The following ANKRD11 variants were observed in gnomAD, a reference collection of about 807,000 sequenced individuals.
ANKRD11 encodes ankyrin repeat domain 11.
In ANKRD11, 17 loss-of-function variants were observed where a neutral mutation model predicts 195.7. The ratio of observed to expected loss-of-function variants is 0.09; its 90% confidence interval spans 0.06 to 0.13. ANKRD11 has a LOEUF of 0.13. Ranked by LOEUF, ANKRD11 falls within the 10% of genes least tolerant of loss-of-function variation. The probability of loss-of-function intolerance (pLI) is 1.00; values close to 1 mark genes in which losing one functional copy is unlikely to be tolerated. For missense variants in ANKRD11, 3,735 were observed against 3,566.1 expected (o/e 1.05, Z -1.21); for synonymous variants, 1,953 against 1,528.1 (o/e 1.28, Z -6.49).
chr16:89,271,356 G>T, intron 11 of ANKRD11: 1 of 277,276 alleles, frequency 3.6e-6, no homozygotes, highest in Non-Finnish European at 7.1e-6. Context: ...TCCTGCTTCA[G>T]CCTTCCTGAG....
chr16:89,274,768 G>C (rs1196257987), intron 11 of ANKRD11, 46 bp downstream of exon 11: 1 of 1,602,762 alleles, frequency 6.2e-7, no homozygotes, highest in African/African-American at 1.3e-5. Flanking sequence ...GGCGGGCAGG[G>C]TGCAGGCACT....
At chr16:89,372,078 G>A (rs990420339) in intron 2 of ANKRD11, among the ~76,000 whole-genome samples, 3 of 152,202 alleles carry the variant, frequency 2.0e-5, no homozygotes. Context: ...GTGGACTGAG[G>A]AACCACAAGG....
chr16:89,460,647 G>A (rs566939268), intron 1 of ANKRD11, among the ~76,000 whole-genome samples: 4 of 152,238 alleles, frequency 2.6e-5, no homozygotes, highest in Admixed American at 6.5e-5. Flanking sequence ...TGAAGCAGGC[G>A]GGTTGTTTGA....
At chr16:89,309,121 C>T (rs2036468124) in intron 3 of ANKRD11, among the ~76,000 whole-genome samples, 2 of 152,316 alleles carry the variant, frequency 1.3e-5, no homozygotes, top group South Asian at 4.1e-4. Flanking sequence ...ACCACACGCC[C>T]AACCACACAG....
At chr16:89,487,348 T>G (rs2057653327) in intron 1 of ANKRD11, among the ~76,000 whole-genome samples, 1 of 152,246 alleles carries the variant, frequency 6.6e-6, no homozygotes, top group African/African-American at 2.4e-5. Context: ...TGCAGATTAT[T>G]TTCTGAGCCA....
chr16:89,283,404 A>G lies in ANKRD11; in HGVS notation c.3138T>C (p.Cys1046=). Residue 1046 remains cysteine, a synonymous_variant, in exon 9 of 13, where the codon TGT becomes TGC. Coordinates refer to ENST00000301030, the MANE Select transcript of ANKRD11 (RefSeq NM_013275.6). This position sits in a 1 kb window ranked among gnomAD's most constrained non-coding sequence, Gnocchi z 4.3. ...ATTTATCAAATTCTTTGTCCTTCTG[A>G]CATTTTTCCAGGATTGATTTCTCAC... ...DKSEKSILEK[C]QKDKEFDKCF... 6.2e-7 allele frequency: 1 copy of G among 1,613,884 alleles called. No homozygotes were observed. Among genetic ancestry groups the G allele is most frequent in the Non-Finnish European group, 8.5e-7 (1 of 1,180,018 alleles).
At chr16:89,433,610 A>C (rs529729892) in intron 1 of ANKRD11, among the ~76,000 whole-genome samples, 152 of 152,070 alleles carry the variant, frequency 1.0e-3, no homozygotes, top group Non-Finnish European at 1.0e-3. Context: ...AGAGTAAGAG[A>C]GAAGGAACGG....
At chr16:89,315,584 G>C (rs899209328) in intron 3 of ANKRD11, among the ~76,000 whole-genome samples, 2 of 152,226 alleles carry the variant, frequency 1.3e-5, no homozygotes, top group Non-Finnish European at 2.9e-5. Flanking sequence ...CCAAGCACTG[G>C]CTTCAGCTCA....
intron 2 of ANKRD11, among the ~76,000 whole-genome samples, chr16:89,409,866 G>C (rs2042047376): frequency 7.0e-6 from 1 of 142,046 alleles, no homozygotes; most frequent in Non-Finnish European, 1.5e-5. Context: ...TGAGATGGGA[G>C]TCTCGCTCTG....
At chr16:89,364,877 G>C (rs141643086) in intron 2 of ANKRD11, among the ~76,000 whole-genome samples, 1 of 152,184 alleles carries the variant, frequency 6.6e-6, no homozygotes, top group Non-Finnish European at 1.5e-5. Flanking sequence ...AGCCTGGCAC[G>C]CAGATGGCCC....
intron 2 of ANKRD11, among the ~76,000 whole-genome samples, chr16:89,373,805 G>A (rs1031428998): frequency 6.6e-6 from 1 of 152,192 alleles, no homozygotes; most frequent in African/African-American, 2.4e-5. Context: ...CCTGACAGAC[G>A]CCTGTGTAGG....
chr16:89,422,343 G>A (rs2042551987), intron 1 of ANKRD11: 1 of 151,896 alleles, frequency 6.6e-6, no homozygotes, highest in South Asian at 2.1e-4. Context: ...TTTTTTTACA[G>A]AATTTTTCTT....
chr16:89,313,420 G>A (rs1200536733), intron 3 of ANKRD11: 7 of 1,288,982 alleles, frequency 5.4e-6, no homozygotes, highest in Non-Finnish European at 7.1e-6. Flanking sequence ...GAGACCGTCT[G>A]CAGAAGGGGC....
intron 2 of ANKRD11, among the ~76,000 whole-genome samples, chr16:89,344,035 T>C (rs1216712680): frequency 1.3e-5 from 2 of 152,138 alleles, no homozygotes; most frequent in African/African-American, 4.8e-5. Context: ...CAGCCACTCC[T>C]CAAGCCCGGC....
intron 9 of ANKRD11, chr16:89,278,727 T>G: frequency 6.0e-6 from 3 of 503,440 alleles, no homozygotes; most frequent in Admixed American, 2.3e-5. Flanking sequence ...GTGGCTCTCG[T>G]GAGGCCGTCC....
chr16:89,473,925 C>A (rs907897799), intron 1 of ANKRD11, among the ~76,000 whole-genome samples: 10 of 152,188 alleles, frequency 6.6e-5, no homozygotes, highest in African/African-American at 2.4e-4. Flanking sequence ...CGCTGTCACT[C>A]CCATGACTAC....
chr16:89,471,337 G>A (rs1385088772), intron 1 of ANKRD11, among the ~76,000 whole-genome samples: 3 of 152,146 alleles, frequency 2.0e-5, no homozygotes, highest in African/African-American at 4.8e-5. Context: ...GAAGTCCTGT[G>A]TGGAGTGGTG....
chr16:89,367,074 T>C (rs907395203), intron 2 of ANKRD11, among the ~76,000 whole-genome samples: 1 of 152,152 alleles, frequency 6.6e-6, no homozygotes, highest in African/African-American at 2.4e-5. Context: ...CTCTCCTCTA[T>C]GACAGACTCC....
chr16:89,473,887 T>G (rs2057169519), intron 1 of ANKRD11, among the ~76,000 whole-genome samples: 1 of 152,204 alleles, frequency 6.6e-6, no homozygotes, highest in African/African-American at 2.4e-5. Context: ...TTCCCTTGAC[T>G]GGGTTGCATT....
Sources: gnomAD v4.1 joint callset for allele counts (sites outside exome capture counted in the v4.1 genomes callset) on GRCh38, gnomAD v4.1.1 for gene constraint, Gnocchi (gnomAD v3.1) non-coding constraint, MANE v1.5 for transcripts, NCBI Gene and HGNC (gene_info 2026-07-23, HGNC 2026-07-21) for gene names.